Variants in ZFAND3 observed in about 807,000 individuals in gnomAD.
The protein encoded by ZFAND3 is zinc finger AN1-type containing 3.
A neutral mutation model predicts 29.6 loss-of-function variants in ZFAND3; 10 were observed. The ratio of observed to expected loss-of-function variants is 0.34; its 90% CI spans 0.21 to 0.57. The LOEUF (loss-of-function observed/expected upper bound fraction) is 0.57. Ranked by LOEUF, ZFAND3 falls within the 20% of genes least tolerant of loss-of-function variation. ZFAND3 has a pLI of 0.86. For synonymous variants in ZFAND3, 128 were observed against 112.6 expected, an observed-to-expected ratio of 1.14 and a Z score of -0.87; for missense variants, 230 against 304.5, an observed-to-expected ratio of 0.76 and a Z score of 1.82.
intron 1 of ZFAND3, among the ~76,000 whole-genome samples, chr6:37,864,365 T>G (rs1387461798): frequency 6.6e-6 from 1 of 152,226 alleles, no homozygotes; most frequent in African/African-American, 2.4e-5. Flanking sequence ...CTTTGAGGGC[T>G]GAATCCATCT....
chr6:37,830,443 T>C (rs1042548579), intron 1 of ZFAND3, among the ~76,000 whole-genome samples: 9 of 152,214 alleles, frequency 5.9e-5, no homozygotes, highest in Non-Finnish European at 1.0e-4. Context: ...TCTTGAAGTG[T>C]GGTATGTGAG....
intron 2 of ZFAND3, among the ~76,000 whole-genome samples, chr6:38,011,216 G>A (rs1763146969): frequency 6.6e-6 from 1 of 152,014 alleles, no homozygotes; most frequent in Admixed American, 6.6e-5. Context: ...TGGATATTTG[G>A]GTTATTTCCA....
chr6:38,071,416 AT>A (rs547427790), intron 3 of ZFAND3, among the ~76,000 whole-genome samples: 243 of 150,956 alleles, frequency 1.6e-3, no homozygotes, highest in Middle Eastern at 6.8e-3. Context: ...ATTTACCTTT[AT>A]TTTTTTTTCC....
chr6:37,865,351 G>A (rs1345591719), intron 1 of ZFAND3, among the ~76,000 whole-genome samples: 1 of 152,046 alleles, frequency 6.6e-6, no homozygotes. Flanking sequence ...ATCTGTACAC[G>A]CTCAGTACAG....
intron 1 of ZFAND3, among the ~76,000 whole-genome samples, chr6:37,916,530 C>T (rs184540273): frequency 1.3e-4 from 19 of 151,950 alleles, no homozygotes; most frequent in African/African-American, 4.1e-4. Flanking sequence ...CGTGGTGGCA[C>T]GTGCCTGTAA....
At chr6:37,863,063 G>A (rs974138673) in intron 1 of ZFAND3, among the ~76,000 whole-genome samples, 3 of 152,160 alleles carry the variant, frequency 2.0e-5, no homozygotes, top group African/African-American at 7.2e-5. Context: ...GTGGTTGGCA[G>A]GTCTTGTCAG....
At chr6:37,936,344 C>G (rs1339517793) in intron 2 of ZFAND3, among the ~76,000 whole-genome samples, 1 of 152,112 alleles carries the variant, frequency 6.6e-6, no homozygotes, top group East Asian at 1.9e-4. Flanking sequence ...TAGCTATAAC[C>G]TGTTGATCAT....
At position 38,153,554 on chromosome 6, in the gene ZFAND3, C is replaced by T. The variant is rs1176654045; in HGVS notation, c.*1165C>T. On this transcript the variant is annotated 3_prime_UTR_variant, in exon 6 of 6. Transcript: ENST00000287218. ...AGAACAGCGGTTTGTGGCTGTGGCCCAGCTCCGAGAGTGATATTTGCTCTG... is the reference window on the plus strand; with the variant it reads ...AGAACAGCGGTTTGTGGCTGTGGCCTAGCTCCGAGAGTGATATTTGCTCTG... 7 of 985,394 alleles carry T rather than the reference C, an allele frequency of 7.1e-6. No individual in the cohort carries two copies. The highest frequency in any genetic ancestry group is 8.4e-6 in the Non-Finnish European group (7 of 830,018). 61.0% of individuals were successfully genotyped at this position (985,394 alleles called of 1,614,324 possible).
intron 3 of ZFAND3, among the ~76,000 whole-genome samples, chr6:38,063,661 A>G (rs1031241024): frequency 2.0e-5 from 3 of 152,226 alleles, no homozygotes; most frequent in African/African-American, 7.2e-5. Flanking sequence ...GGAGTTTCTC[A>G]ATGGCAAATG....
At chr6:37,916,939 G>A (rs1029522876) in intron 1 of ZFAND3, among the ~76,000 whole-genome samples, 7 of 152,148 alleles carry the variant, frequency 4.6e-5, no homozygotes, top group African/African-American at 1.7e-4. Context: ...AGCTGTCCTG[G>A]TGATCAGGTA....
chr6:38,013,949 C>T (rs896418067), intron 2 of ZFAND3, among the ~76,000 whole-genome samples: 4 of 152,128 alleles, frequency 2.6e-5, no homozygotes, highest in Admixed American at 1.3e-4. Context: ...GGGGAAAATA[C>T]TTTTCTCAAG....
chr6:38,128,313 C>G (rs1001099382), intron 5 of ZFAND3, among the ~76,000 whole-genome samples: 6 of 152,182 alleles, frequency 3.9e-5, no homozygotes, highest in African/African-American at 1.4e-4. Flanking sequence ...CTAATAGATT[C>G]TTCCTGTGAT....
chr6:37,819,880 A>T lies in ZFAND3; in HGVS notation c.-66A>T, dbSNP rs1171039305. The T allele has an allele frequency of 9.4e-7, 1 of 1,066,562 alleles. No homozygotes were observed. Among genetic ancestry groups the T allele is most frequent in the African/African-American group, 1.7e-5 (1 of 59,636 alleles). The allele number at this position is 1,066,562 out of a possible 1,614,324, so 66.1% of individuals were successfully genotyped here. A position where few individuals can be genotyped will look rare whatever the true frequency, so the allele number is the denominator to read the frequency against. On this transcript the variant is annotated 5_prime_UTR_variant, in exon 1 of 6. Transcript: ENST00000287218. Reference sequence around the variant, plus strand: ...CCGACGCCGCCGCCACCGCCTCCTCAGAGCGGGGCCCGGGCCCAGCCGCCG... The same window carrying T: ...CCGACGCCGCCGCCACCGCCTCCTCTGAGCGGGGCCCGGGCCCAGCCGCCG...
intron 5 of ZFAND3, among the ~76,000 whole-genome samples, chr6:38,123,880 A>G (rs1765580363): frequency 6.6e-6 from 1 of 152,144 alleles, no homozygotes; most frequent in Non-Finnish European, 1.5e-5. Context: ...TGCAGACCCA[A>G]AGAGTGAGCA....
intron 1 of ZFAND3, among the ~76,000 whole-genome samples, chr6:37,862,616 G>A (rs1764513256): frequency 6.6e-6 from 1 of 151,836 alleles, no homozygotes; most frequent in South Asian, 2.1e-4. Context: ...GCTCACTCAG[G>A]AGGCTTGAGC....
intron 2 of ZFAND3, among the ~76,000 whole-genome samples, chr6:37,999,462 G>A (rs182648972): frequency 2.8e-4 from 42 of 152,272 alleles, no homozygotes; most frequent in Non-Finnish European, 5.0e-4. Flanking sequence ...AACTTTAATG[G>A]AGAAACCTGA....
At chr6:37,895,178 T>C (rs1765177090) in intron 1 of ZFAND3, among the ~76,000 whole-genome samples, 1 of 152,108 alleles carries the variant, frequency 6.6e-6, no homozygotes, top group Non-Finnish European at 1.5e-5. Context: ...AGATCCTTTT[T>C]ATTTTCTTCA....
At chr6:37,924,938 C>T (rs1265211962) in intron 1 of ZFAND3, among the ~76,000 whole-genome samples, 1 of 152,034 alleles carries the variant, frequency 6.6e-6, no homozygotes, top group Non-Finnish European at 1.5e-5. Context: ...CAGGGAACAG[C>T]ATGGGCATGA....
At chr6:38,112,187 G>A (rs1167028973) in intron 4 of ZFAND3, among the ~76,000 whole-genome samples, 4 of 152,170 alleles carry the variant, frequency 2.6e-5, no homozygotes, top group African/African-American at 9.7e-5. Context: ...GAGAAAGCAG[G>A]GGTCTGGTGA....
Sources: allele counts gnomAD v4.1 joint callset (sites outside exome capture counted in the v4.1 genomes callset), GRCh38; gene constraint gnomAD v4.1.1; transcripts MANE v1.5; gene names NCBI Gene and HGNC (gene_info 2026-07-23, HGNC 2026-07-21).